NLGN1: variants seen among roughly 807,000 people sequenced by gnomAD.
NLGN1 encodes neuroligin 1, also known as neuroligin-1.
Under a neutral mutation model 65.5 loss-of-function variants are expected in NLGN1, and 12 were observed. The observed-to-expected ratio is 0.18, with a 90% CI of 0.12 to 0.30. NLGN1 has a LOEUF of 0.30. Ranked by LOEUF, NLGN1 falls within the 10% of genes least tolerant of loss-of-function variation. NLGN1 has a pLI of 1.00. For synonymous variants in NLGN1, 350 were observed against 359.5 expected (o/e 0.97, Z 0.30); for missense variants, 750 against 1,007.1 (o/e 0.74, Z 3.46).
chr3:173,968,398 A>C (rs1212503147), intron 4 of NLGN1, among the ~76,000 whole-genome samples: 1 of 152,082 alleles, frequency 6.6e-6, no homozygotes, highest in Non-Finnish European at 1.5e-5. Context: ...TGATTATGGG[A>C]TATATCTGTA....
chr3:173,453,484 T>C (rs1721989135), intron 2 of NLGN1, among the ~76,000 whole-genome samples: 2 of 152,132 alleles, frequency 1.3e-5, no homozygotes, highest in African/African-American at 2.4e-5. Context: ...TTTGATGGGA[T>C]TTTACCCACA....
chr3:174,132,485 A>G (rs9844752), intron 4 of NLGN1, among the ~76,000 whole-genome samples: 12,166 of 151,850 alleles, frequency 0.08, 1,073 homozygotes, highest in African/African-American at 0.22. Context: ...CAGTTTGAAT[A>G]CTCTTGTAAG....
chr3:174,012,442 A>G (rs1725748250), intron 4 of NLGN1, among the ~76,000 whole-genome samples: 1 of 152,162 alleles, frequency 6.6e-6, no homozygotes, highest in South Asian at 2.1e-4. Flanking sequence ...CAAAAGGCAC[A>G]AGCCCTTACC....
At chr3:173,662,828 T>C (rs1017117437) in intron 3 of NLGN1, among the ~76,000 whole-genome samples, 9 of 151,984 alleles carry the variant, frequency 5.9e-5, no homozygotes, top group Non-Finnish European at 1.0e-4. Flanking sequence ...ATTCACAAGG[T>C]AACTCCATAA....
intron 4 of NLGN1, among the ~76,000 whole-genome samples, chr3:174,118,097 A>AT (rs1193361058): frequency 6.6e-6 from 1 of 151,930 alleles, no homozygotes; most frequent in Non-Finnish European, 1.5e-5. Flanking sequence ...TTTCTCTCTT[A>AT]TTTTTATTTT....
Position 174,076,679 on chromosome 3 carries a change from TAGAGAGAGAGAGAGAG to T in NLGN1, c.647-198605_647-198590del, listed in dbSNP as rs3979619. ...ATAGTTCCTTTCTCCTCTGGGACCA[TAGAGAGAGAGAGAGAG>T]AGAGAGAGAGAGAGAGAGAGAGAGA... On this transcript the variant is annotated intron_variant, in intron 4 of 6. Coordinates refer to ENST00000457714, the Ensembl canonical transcript of NLGN1. Among the ~76,000 whole-genome samples the T allele has an allele frequency of 4.8e-3, 450 of 92,920 alleles. 1 individual carries two copies. Among genetic ancestry groups the T allele is most frequent in the South Asian group, 0.014 (32 of 2,270 alleles). 61.0% of individuals were successfully genotyped at this position (92,920 alleles called of 152,430 possible).
At chr3:174,107,156 G>A (rs1180272717) in intron 4 of NLGN1, among the ~76,000 whole-genome samples, 3 of 151,776 alleles carry the variant, frequency 2.0e-5, no homozygotes, top group African/African-American at 4.8e-5. Flanking sequence ...CAATGATAAC[G>A]TATTGTGAAA....
At chr3:173,814,383 A>AT (rs1426268152) in intron 4 of NLGN1, among the ~76,000 whole-genome samples, 1 of 152,178 alleles carries the variant, frequency 6.6e-6, no homozygotes, top group African/African-American at 2.4e-5. Context: ...TCAATTTTAG[A>AT]TTGAGTACTA....
chr3:173,797,630 T>C (rs1714392841), intron 3 of NLGN1, among the ~76,000 whole-genome samples: 1 of 151,086 alleles, frequency 6.6e-6, no homozygotes, highest in East Asian at 2.0e-4. Context: ...GAAACACAGT[T>C]TCCTAAGTAA....
intron 4 of NLGN1, among the ~76,000 whole-genome samples, chr3:174,206,519 G>A (rs976161178): frequency 9.9e-5 from 15 of 152,128 alleles, no homozygotes; most frequent in African/African-American, 3.6e-4. Flanking sequence ...AAGGCCCCCA[G>A]CCAAGACAAG....
Position 173,597,136 on chromosome 3 carries a change from A to G in NLGN1, c.-320-7143A>G, listed in dbSNP as rs371948762. On this transcript the variant is annotated intron_variant, in intron 2 of 6. Transcript: ENST00000457714. ...GTGTTTCACTCTCCTCAGTTCCTCA[A>G]CCTGAGCATAGGACTTTATTGAATT... Among the ~76,000 whole-genome samples, 13 of 152,170 alleles carry G rather than the reference A, an allele frequency of 8.5e-5. No homozygotes were observed. The East Asian group carries it at 1.2e-3, about 14-fold the overall frequency.
chr3:173,528,887 T>A (rs542472724), intron 2 of NLGN1, among the ~76,000 whole-genome samples: 2 of 152,292 alleles, frequency 1.3e-5, no homozygotes, highest in African/African-American at 4.8e-5. Flanking sequence ...TTTTCTTTGA[T>A]CTCATTGAAT....
At chr3:174,292,216 G>GGT in the NLGN1 span, among the ~76,000 whole-genome samples, 1 of 151,250 alleles carries the variant, frequency 6.6e-6, no homozygotes, top group Non-Finnish European at 1.5e-5. Context: ...TGCAAACTAT[G>GGT]ATCAAGCTAG....
chr3:173,827,846 C>G (rs190750661), intron 4 of NLGN1, among the ~76,000 whole-genome samples: 237 of 152,054 alleles, frequency 1.6e-3, no homozygotes, highest in Non-Finnish European at 2.5e-3. Flanking sequence ...ATAGATGTTC[C>G]TGCTCAAATA....
chr3:173,537,609 T>C (rs1417089655), intron 2 of NLGN1, among the ~76,000 whole-genome samples: 3 of 152,168 alleles, frequency 2.0e-5, no homozygotes, highest in Non-Finnish European at 4.4e-5. Flanking sequence ...AGCTGGTATT[T>C]ATGGCTACTT....
At chr3:174,094,208 A>G (rs563031789) in intron 4 of NLGN1, among the ~76,000 whole-genome samples, 68 of 152,330 alleles carry the variant, frequency 4.5e-4, no homozygotes, top group Admixed American at 1.3e-3. Flanking sequence ...TTGATTATCT[A>G]AAAAGCAATT....
intron 2 of NLGN1, among the ~76,000 whole-genome samples, chr3:173,485,584 C>G (rs1179729443): frequency 6.6e-6 from 1 of 152,108 alleles, no homozygotes; most frequent in Non-Finnish European, 1.5e-5. Flanking sequence ...TGGTTTCTCT[C>G]TTAATATTTT....
intron 4 of NLGN1, among the ~76,000 whole-genome samples, chr3:174,061,117 G>C (rs1296789153): frequency 6.6e-6 from 1 of 151,938 alleles, no homozygotes; most frequent in Non-Finnish European, 1.5e-5. Flanking sequence ...TGTGACCTTG[G>C]TGTTGTGTGC....
Position 173,584,198 on chromosome 3 carries a change from G to A in NLGN1, c.-320-20081G>A, listed in dbSNP as rs994524090. 1.5e-4 allele frequency among the ~76,000 whole-genome samples: 23 copies of A among 149,064 alleles called. No homozygotes were observed. The Middle Eastern group carries it at 0.01, about 68-fold the overall frequency. On this transcript the variant is annotated intron_variant, in intron 2 of 6. Transcript: ENST00000457714. ...TACTATTCATGTTAATTGCAGTTCA[G>A]CCTTCTTTAACTACTGCAGTAGCCA... is the stretch of plus-strand genomic sequence containing the variant.
Sources: gnomAD v4.1 joint callset for allele counts (sites outside exome capture counted in the v4.1 genomes callset) on GRCh38, gnomAD v4.1.1 for gene constraint, MANE v1.5 for transcripts, NCBI Gene and HGNC (gene_info 2026-07-23, HGNC 2026-07-21) for gene names.